The following TATDN1 variants were observed in gnomAD, a reference collection of about 807,000 sequenced individuals.
TATDN1 encodes the protein TatD DNase domain containing 1.
A neutral mutation model predicts 46.4 loss-of-function variants in TATDN1; 40 were observed. The observed-to-expected ratio is 0.86, with a 90% CI of 0.67 to 1.12. The LOEUF is 1.12. Ranked by LOEUF, TATDN1 falls within the 50% of genes most tolerant of loss-of-function variation. The pLI, the probability that TATDN1 is intolerant of heterozygous loss-of-function variation, is 0.00. For missense variants in TATDN1, 326 were observed against 348.4 expected (o/e 0.94, Z 0.51); for synonymous variants, 95 against 105.6 (o/e 0.90, Z 0.62).
chr8:124,532,876 G>A (rs750806657), intron 1 of TATDN1, among the ~76,000 whole-genome samples: 3 of 152,164 alleles, frequency 2.0e-5, no homozygotes, highest in African/African-American at 2.4e-5. Context: ...AGTGGGTAAG[G>A]GGGTCTCCCT....
At chr8:124,509,931 G>A (rs1187460201) in intron 6 of TATDN1, among the ~76,000 whole-genome samples, 4 of 151,190 alleles carry the variant, frequency 2.6e-5, no homozygotes, top group Non-Finnish European at 4.4e-5. Flanking sequence ...CCAGCTATTC[G>A]GCAGGCATGA....
At chr8:124,518,731 T>C (rs994152845) in intron 4 of TATDN1, 87 bp downstream of exon 4, 58 of 901,386 alleles carry the variant, frequency 6.4e-5, no homozygotes, top group African/African-American at 5.8e-4. Context: ...TCATGATCCA[T>C]TGTATTGTAC....
intron 9 of TATDN1, among the ~76,000 whole-genome samples, chr8:124,500,540 C>G (rs1218264313): frequency 6.6e-6 from 1 of 152,026 alleles, no homozygotes; most frequent in African/African-American, 2.4e-5. Flanking sequence ...AACCCCATCT[C>G]TACAAAAAGT....
intron 1 of TATDN1, among the ~76,000 whole-genome samples, chr8:124,530,939 G>C (rs1586677825): frequency 6.6e-6 from 1 of 152,176 alleles, no homozygotes; most frequent in South Asian, 2.1e-4. Flanking sequence ...GATTCAGCAA[G>C]GGTTGTTGTT....
chr8:124,527,301 C>T (rs896508997), intron 1 of TATDN1, among the ~76,000 whole-genome samples: 30 of 152,182 alleles, frequency 2.0e-4, no homozygotes, highest in African/African-American at 7.2e-4. Context: ...TAAAATTAAG[C>T]TTTATATGTC....
At chr8:124,517,881 AAC>A (rs1819624648) in intron 4 of TATDN1, among the ~76,000 whole-genome samples, 1 of 152,162 alleles carries the variant, frequency 6.6e-6, no homozygotes, top group Non-Finnish European at 1.5e-5. Context: ...TCGTATCTTA[AAC>A]ACGTTAAAAC....
Position 124,516,042 on chromosome 8 carries a change from T to C in TATDN1, c.203-12A>G. On this transcript the variant is annotated splice_polypyrimidine_tract_variant and intron_variant, in intron 4 of 11. Coordinates refer to ENST00000276692, the MANE Select transcript of TATDN1 (RefSeq NM_032026.4). ...ACTGAAAAACATACCTAACAGAAAA[T>C]AATGTCTTAGGATTATTTTCAAAGT... 1 of 1,590,224 alleles carries C rather than the reference T, an allele frequency of 6.3e-7. No homozygotes were observed.
Position 124,493,854 on chromosome 8 carries a change from C to G in TATDN1, c.770G>C (p.Arg257Thr). The G allele has an allele frequency of 1.2e-6, 2 of 1,608,990 alleles. No individual in the cohort carries two copies. Among genetic ancestry groups the G allele is most frequent in the Non-Finnish European group, 1.7e-6 (2 of 1,179,124 alleles). ...TCACATTATATGGCAGGGTTCATTT[C>G]TGTCTTTTAAGCAGTGCCCACTTTC... ...KWESGHCLKD[R>T]NEPCHIIQIL... Residue 257 changes from arginine (R) to threonine (T), a missense_variant, in exon 11 of 12, where the codon AGA becomes ACA. Transcript: ENST00000276692.
chr8:124,497,190 G>A (rs1345774901), intron 9 of TATDN1, among the ~76,000 whole-genome samples: 1 of 151,924 alleles, frequency 6.6e-6, no homozygotes, highest in Non-Finnish European at 1.5e-5. Flanking sequence ...AAACCAAGCT[G>A]TTCACGCTGT....
intron 11 of TATDN1, chr8:124,489,393 T>C (rs1563636171): frequency 7.0e-6 from 1 of 143,562 alleles, no homozygotes; most frequent in African/African-American, 2.6e-5. Context: ...CCTTTCTTTT[T>C]CTTTCCTTTC....
At chr8:124,506,675 G>A (rs1260400138) in intron 8 of TATDN1, among the ~76,000 whole-genome samples, 2 of 152,194 alleles carry the variant, frequency 1.3e-5, no homozygotes, top group Non-Finnish European at 2.9e-5. Context: ...AGGCCGCATG[G>A]GAATGCAAGT....
intron 1 of TATDN1, among the ~76,000 whole-genome samples, chr8:124,523,974 A>G (rs1389955596): frequency 6.6e-6 from 1 of 152,230 alleles, no homozygotes; most frequent in Non-Finnish European, 1.5e-5. Flanking sequence ...GCAAGAAAAA[A>G]AAATGCCTCC....
At position 124,524,306 on chromosome 8, in the gene TATDN1, T is replaced by C. The variant is rs1390140635; in HGVS notation, c.23-1304A>G. Among the ~76,000 whole-genome samples the C allele has an allele frequency of 2.6e-5, 4 of 152,270 alleles. No individual in the cohort carries two copies. In the East Asian group the frequency reaches 7.7e-4, roughly 29 times the overall value. ...TTGGGCACTAACATGTCAACAAAGA[T>C]GGGTGGGATGTGGTACCCTTTAAAA... On this transcript the variant is annotated intron_variant, in intron 1 of 11. Coordinates refer to ENST00000276692, the MANE Select transcript of TATDN1 (RefSeq NM_032026.4).
rs372584328 is a variant in TATDN1, at chr8:124,538,418, C to G, written c.22+607G>C. 29 of 153,770 alleles carry G rather than the reference C, an allele frequency of 1.9e-4. No homozygotes were observed. The South Asian group carries it at 5.3e-3, about 28-fold the overall frequency. 9.5% of individuals were successfully genotyped at this position (153,770 alleles called of 1,614,324 possible). The stretch of plus-strand genomic sequence containing the variant: ...AAACGAGGATCATGCCCATTTAAAT[C>G]CCGCAGCATTCTCCCTCTCGTTCTA... On this transcript the variant is annotated intron_variant, in intron 1 of 11. Transcript: ENST00000276692.
In TATDN1 at chr8:124,488,826, A is replaced by G. The variant is rs185874683; in HGVS notation, c.792-130T>C. Reference sequence around the variant, plus strand: ...ATATAATAAAGCTTAACAGTTATTAAGTTTTTCAGCAATATCAATAGAAAA... The same window carrying G: ...ATATAATAAAGCTTAACAGTTATTAGGTTTTTCAGCAATATCAATAGAAAA... On this transcript the variant is annotated intron_variant, in intron 11 of 11. Coordinates refer to ENST00000276692, the MANE Select transcript of TATDN1 (RefSeq NM_032026.4). The G allele has an allele frequency of 6.2e-6, 4 of 644,518 alleles. No individual in the cohort carries two copies. In the Admixed American group the frequency reaches 1.3e-4, roughly 21 times the overall value. 39.9% of individuals were successfully genotyped at this position (644,518 alleles called of 1,614,324 possible).
chr8:124,501,498 A>C (rs1041290122), intron 9 of TATDN1, among the ~76,000 whole-genome samples: 1 of 152,182 alleles, frequency 6.6e-6, no homozygotes, highest in African/African-American at 2.4e-5. Context: ...AAAGGAAAGA[A>C]GAAAAGGTGA....
intron 8 of TATDN1, among the ~76,000 whole-genome samples, chr8:124,507,530 C>A (rs1329668363): frequency 2.0e-5 from 3 of 152,108 alleles, no homozygotes; most frequent in Non-Finnish European, 2.9e-5. Context: ...ACCTGTAATC[C>A]CAACACTTTG....
At chr8:124,536,699 T>C (rs1047359971) in intron 1 of TATDN1, among the ~76,000 whole-genome samples, 1 of 152,230 alleles carries the variant, frequency 6.6e-6, no homozygotes, top group Non-Finnish European at 1.5e-5. Context: ...CAATTTTTCA[T>C]GCAATTGTCC....
At chr8:124,527,116 A>G (rs1400417150) in intron 1 of TATDN1, among the ~76,000 whole-genome samples, 1 of 152,204 alleles carries the variant, frequency 6.6e-6, no homozygotes. Context: ...CAAAGGAAGA[A>G]GTGGGGAACA....
Sources: allele counts gnomAD v4.1 joint callset (sites outside exome capture counted in the v4.1 genomes callset), GRCh38; gene constraint gnomAD v4.1.1; transcripts MANE v1.5; gene names NCBI Gene and HGNC (gene_info 2026-07-23, HGNC 2026-07-21).